Variants in YY1 observed in about 807,000 individuals in gnomAD.
The protein encoded by YY1 is YY1 transcription factor, also known as transcriptional repressor protein YY1.
In YY1, 2 loss-of-function variants were observed where a neutral mutation model predicts 35.6. The observed-to-expected ratio is 0.06, with a 90% CI of 0.02 to 0.18. YY1 has a LOEUF of 0.18. YY1 is among the 10% of genes least tolerant of loss of function. The pLI is 1.00. For synonymous variants in YY1, 268 were observed against 238.9 expected, an observed-to-expected ratio of 1.12 and a Z score of -1.12; for missense variants, 322 against 573.4, an observed-to-expected ratio of 0.56 and a Z score of 4.48.
chr14:100,240,814 A>C (rs1172289737), intron 1 of YY1, among the ~76,000 whole-genome samples: 1 of 151,922 alleles, frequency 6.6e-6, no homozygotes, highest in African/African-American at 2.4e-5. Flanking sequence ...TTTTCCCTCA[A>C]GTATTTAGCT....
chr14:100,244,320 CTTTTTTTTT>C (rs869125410), intron 1 of YY1, among the ~76,000 whole-genome samples: 171 of 89,708 alleles, frequency 1.9e-3, no homozygotes, highest in African/African-American at 6.8e-3. Context: ...TCCTTTTTTA[CTTTTTTTTT>C]TTTTTTTTTT....
chr14:100,250,840 T>C (rs1279073078), intron 1 of YY1, among the ~76,000 whole-genome samples: 1 of 118,808 alleles, frequency 8.4e-6, no homozygotes, highest in African/African-American at 3.1e-5. Flanking sequence ...CACAGAAAAT[T>C]AAAAAAAAAA....
intron 1 of YY1, among the ~76,000 whole-genome samples, chr14:100,261,820 G>T (rs1219588909): frequency 1.3e-5 from 2 of 152,154 alleles, no homozygotes; most frequent in Non-Finnish European, 2.9e-5. Flanking sequence ...CACTGAATTG[G>T]TAGTTGCCAG....
chr14:100,248,121 C>CTTTTT (rs10694000), intron 1 of YY1, among the ~76,000 whole-genome samples: 2 of 117,626 alleles, frequency 1.7e-5, no homozygotes, highest in African/African-American at 6.9e-5. Flanking sequence ...ATTTTTTTTT[C>CTTTTT]TTTTTTTTTT....
intron 1 of YY1, among the ~76,000 whole-genome samples, chr14:100,247,134 T>C (rs1465957593): frequency 2.6e-5 from 4 of 152,232 alleles, no homozygotes; most frequent in African/African-American, 9.6e-5. Context: ...AACATCCATG[T>C]TGGACTCCTA....
In YY1 at chr14:100,262,216, C is replaced by T. The variant is rs1891095012; in HGVS notation, c.680-88C>T. 4.2e-6 allele frequency: 6 copies of T among 1,427,546 alleles called. No individual in the cohort carries two copies. The Admixed American group carries it at 7.5e-5, about 18-fold the overall frequency. 88.4% of individuals were successfully genotyped at this position (1,427,546 alleles called of 1,614,324 possible). A position where few individuals can be genotyped will look rare whatever the true frequency, so the allele number is the denominator to read the frequency against. The stretch of plus-strand genomic sequence containing the variant: ...AATTGAGCTGGTGGCTATAAATCAC[C>T]CCATTTAAGAAGTTACTGGTGAAAG... On this transcript the variant is annotated intron_variant, in intron 1 of 4. Transcript: ENST00000262238.
At position 100,239,476 on chromosome 14, in the gene YY1, C is replaced by T; in HGVS notation, c.232C>T (p.His78Tyr). ...CCACCACCACCACCACCATCACCACCACCACCACCCGCCCATGATCGCTCT... is the reference window on the plus strand; with the variant it reads ...CCACCACCACCACCACCATCACCACTACCACCACCCGCCCATGATCGCTCT... ...AGHHHHHHHH[H>Y]HHPPMIALQP... Residue 78 changes from histidine to tyrosine, a missense_variant, in exon 1 of 5, where the codon CAC (histidine) becomes TAC (tyrosine). His to Tyr is a moderately conservative substitution (Grantham distance 83, BLOSUM62 2). Around this residue, in one of 4 missense-constraint regions of YY1, gnomAD observed 137 missense variants for 167.0 expected, o/e 0.82. Coordinates refer to ENST00000262238, the MANE Select transcript of YY1 (RefSeq NM_003403.5). 6.2e-7 allele frequency: 1 copy of T among 1,604,724 alleles called. No individual in the cohort carries two copies. The highest frequency in any genetic ancestry group is 2.2e-5 in the East Asian group (1 of 44,486).
chr14:100,277,022 A>G lies in YY1; in HGVS notation c.1062+374A>G, dbSNP rs1891330688. On this transcript the variant is annotated intron_variant, in intron 4 of 4. Coordinates refer to ENST00000262238, the MANE Select transcript of YY1 (RefSeq NM_003403.5). This position sits in a 1 kb window ranked among gnomAD's most constrained non-coding sequence, Gnocchi z 5.6. ...CTGATAAAGTTTCTAGAGTGTAAGT[A>G]TAGGTAATACTTTAGCCCATAAATA... 2.4e-6 allele frequency: 1 copy of G among 412,700 alleles called. No individual in the cohort carries two copies. The highest frequency in any genetic ancestry group is 4.5e-6 in the Non-Finnish European group (1 of 223,012). 25.6% of individuals were successfully genotyped at this position (412,700 alleles called of 1,614,324 possible). A position where few individuals can be genotyped will look rare whatever the true frequency, so the allele number is the denominator to read the frequency against.
chr14:100,251,667 A>G (rs1890926676), intron 1 of YY1, among the ~76,000 whole-genome samples: 1 of 152,072 alleles, frequency 6.6e-6, no homozygotes, highest in Admixed American at 6.6e-5. Flanking sequence ...ACACTACTCA[A>G]TTTCCCAGAC....
chr14:100,279,362 G>A lies in YY1; in HGVS notation c.*1762G>A, dbSNP rs553082698. On this transcript the variant is annotated 3_prime_UTR_variant, in exon 5 of 5. Coordinates refer to ENST00000262238, the MANE Select transcript of YY1 (RefSeq NM_003403.5). ...CCCATTGTCTTAGAGCTTCTCCATC[G>A]GTCCTGTACAGGAGGATTGGTGACC... 3.9e-5 allele frequency: 6 copies of A among 152,162 alleles called. No individual in the cohort carries two copies. Among genetic ancestry groups the A allele is most frequent in the Non-Finnish European group, 5.9e-5 (4 of 68,040 alleles). 9.4% of individuals were successfully genotyped at this position (152,162 alleles called of 1,614,324 possible). A position where few individuals can be genotyped will look rare whatever the true frequency, so the allele number is the denominator to read the frequency against.
intron 2 of YY1, among the ~76,000 whole-genome samples, chr14:100,264,799 G>C (rs554206380): frequency 3.8e-4 from 58 of 152,152 alleles, no homozygotes; most frequent in Non-Finnish European, 5.6e-4. Flanking sequence ...AGATAACAAA[G>C]GAATAAATGT....
chr14:100,274,909 G>A, intron 3 of YY1, 151 bp downstream of exon 3: 1 of 863,022 alleles, frequency 1.2e-6, no homozygotes, highest in Non-Finnish European at 1.8e-6. Flanking sequence ...ATGAAGTTTT[G>A]TTATTTAGTA....
intron 1 of YY1, among the ~76,000 whole-genome samples, chr14:100,248,451 A>G (rs1009211715): frequency 1.3e-5 from 2 of 152,040 alleles, no homozygotes; most frequent in Non-Finnish European, 2.9e-5. Context: ...AGAGTCTTCC[A>G]TTTTAACATG....
At chr14:100,248,054 C>G (rs897075020) in intron 1 of YY1, among the ~76,000 whole-genome samples, 2 of 151,848 alleles carry the variant, frequency 1.3e-5, no homozygotes, top group African/African-American at 2.4e-5. Context: ...AAACAATTTT[C>G]CTGCCTCAGC....
At position 100,254,940 on chromosome 14, in the gene YY1, A is replaced by ATTTTTTTTTTTTTTTT. The variant is rs35165026; in HGVS notation, c.680-7350_680-7335dup. ...AAGCGCCCGCCACCACGCCCAGCTA[A>ATTTTTTTTTTTTTTTT]TTTTTTTTTTTTTTTTTTTTTTTTT... On this transcript the variant is annotated intron_variant, in intron 1 of 4. Transcript: ENST00000262238. Among the ~76,000 whole-genome samples, 21 of 29,584 alleles carry ATTTTTTTTTTTTTTTT rather than the reference A, an allele frequency of 7.1e-4. 1 individual carries two copies. Among genetic ancestry groups the ATTTTTTTTTTTTTTTT allele is most frequent in the East Asian group, 3.4e-3 (2 of 584 alleles). The allele number at this position is 29,584 out of a possible 152,430, so 19.4% of individuals were successfully genotyped here.
chr14:100,240,094 C>A (rs934844382), intron 1 of YY1, among the ~76,000 whole-genome samples, 171 bp downstream of exon 1: 1 of 146,456 alleles, frequency 6.8e-6, no homozygotes, highest in Admixed American at 6.8e-5. Flanking sequence ...GGGCGGCGGG[C>A]CGCGAAGATG....
intron 1 of YY1, 72 bp from the exon 2 acceptor site, chr14:100,262,232 C>G: frequency 6.5e-7 from 1 of 1,534,390 alleles, no homozygotes; most frequent in Non-Finnish European, 8.9e-7. Context: ...TAAGAAGTTA[C>G]TGGTGAAAGC....
rs1364944911 is a variant in YY1, at chr14:100,279,950, G to A, written c.*2350G>A. The A allele has an allele frequency of 8.5e-5, 13 of 152,300 alleles. No homozygotes were observed. The highest frequency in any genetic ancestry group is 3.1e-4 in the African/African-American group (13 of 41,440). The allele number at this position is 152,300 out of a possible 1,614,324, so 9.4% of individuals were successfully genotyped here. A position where few individuals can be genotyped will look rare whatever the true frequency, so the allele number is the denominator to read the frequency against. ...TCCTCTGTGCCTTGATCCCTTGGGG[G>A]TGCCTTTGGTCATCTCTTCTGTCCT... On this transcript the variant is annotated 3_prime_UTR_variant, in exon 5 of 5. Coordinates refer to ENST00000262238, the MANE Select transcript of YY1 (RefSeq NM_003403.5).
intron 1 of YY1, among the ~76,000 whole-genome samples, chr14:100,247,798 G>C (rs1290809169): frequency 6.6e-6 from 1 of 152,166 alleles, no homozygotes; most frequent in African/African-American, 2.4e-5. Flanking sequence ...ATCAAGAACA[G>C]AAAGCCAGCA....
Sources: gnomAD v4.1 joint callset for allele counts (sites outside exome capture counted in the v4.1 genomes callset) on GRCh38, gnomAD v4.1.1 for gene constraint, gnomAD v4.1.1 regional missense constraint, Gnocchi (gnomAD v3.1) non-coding constraint, MANE v1.5 for transcripts, NCBI Gene and HGNC (gene_info 2026-07-23, HGNC 2026-07-21) for gene names.